Variants in DAAM2 observed in about 807,000 individuals in gnomAD.
The protein encoded by DAAM2 is disheveled-associated activator of morphogenesis 2.
DAAM2 carries 39 observed loss-of-function variants against 120.7 expected under a neutral mutation model. The observed-to-expected ratio is 0.32, with a 90% CI of 0.25 to 0.42. The LOEUF is 0.42. Among genes scored for constraint, DAAM2 ranks in the 10% least tolerant of loss-of-function variants. The pLI is 1.00. For synonymous variants in DAAM2, 488 were observed against 524.9 expected (o/e 0.93, Z 0.96); for missense variants, 1,283 against 1,401.7 (o/e 0.92, Z 1.35).
At chr6:39,866,857 A>T (rs182223210) in intron 5 of DAAM2, among the ~76,000 whole-genome samples, 98 of 152,342 alleles carry the variant, frequency 6.4e-4, no homozygotes, top group African/African-American at 1.8e-3. Context: ...TACTACTGTC[A>T]TTTATTGCTG....
At chr6:39,894,854 A>G (rs553967602) in intron 19 of DAAM2, among the ~76,000 whole-genome samples, 15 of 152,232 alleles carry the variant, frequency 9.9e-5, no homozygotes, top group African/African-American at 3.6e-4. Context: ...CCTGGGCCCA[A>G]GTGATCTGCC....
chr6:39,844,735 G>T (rs1264353736), intron 1 of DAAM2, among the ~76,000 whole-genome samples: 1 of 152,078 alleles, frequency 6.6e-6, no homozygotes, highest in Non-Finnish European at 1.5e-5. Flanking sequence ...TCAGAAATTG[G>T]CACGGGGGCT....
chr6:39,899,981 C>T (rs1440830704), intron 22 of DAAM2, 96 bp from the exon 23 acceptor site: 1 of 1,380,356 alleles, frequency 7.2e-7, no homozygotes, highest in African/African-American at 1.4e-5. Context: ...CCAAAGGGCT[C>T]AATGTCCTGT....
chr6:39,818,036 G>A (rs746400193), intron 1 of DAAM2, among the ~76,000 whole-genome samples: 2 of 151,830 alleles, frequency 1.3e-5, no homozygotes, highest in African/African-American at 4.8e-5. Context: ...AAAATTAGTC[G>A]GGCATGGTAG....
chr6:39,856,115 T>C, intron 1 of DAAM2, 132 bp from the exon 2 acceptor site: 1 of 416,582 alleles, frequency 2.4e-6, no homozygotes, highest in Non-Finnish European at 3.7e-6. Context: ...GACAGCGGGG[T>C]GGGTGGGGCT....
Position 39,902,263 on chromosome 6 carries a change from GTAT to G in DAAM2, c.*231_*233del. 4 of 438,034 alleles carry G rather than the reference GTAT, an allele frequency of 9.1e-6. 1 individual carries two copies. In the East Asian group the frequency reaches 1.4e-4, roughly 16 times the overall value. 27.1% of individuals were successfully genotyped at this position (438,034 alleles called of 1,614,324 possible). A position where few individuals can be genotyped will look rare whatever the true frequency, so the allele number is the denominator to read the frequency against. Reference sequence around the variant, plus strand: ...GATTCCTTCTGTGCCCTGGCCCCAGGTATTATTCTGAGGCTGCCTTGGATGGCC... The same window carrying G: ...GATTCCTTCTGTGCCCTGGCCCCAGGTATTCTGAGGCTGCCTTGGATGGCC... On this transcript the variant is annotated 3_prime_UTR_variant, in exon 25 of 25. Coordinates refer to ENST00000274867, the MANE Select transcript of DAAM2 (RefSeq NM_001201427.2).
chr6:39,860,408 C>T (rs1002550825), intron 2 of DAAM2, among the ~76,000 whole-genome samples: 9 of 152,308 alleles, frequency 5.9e-5, no homozygotes, highest in African/African-American at 2.2e-4. Flanking sequence ...AGGGCCTATG[C>T]TGAGTGTGGG....
chr6:39,796,605 C>G (rs1761707604), intron 1 of DAAM2, among the ~76,000 whole-genome samples: 1 of 103,778 alleles, frequency 9.6e-6, no homozygotes, highest in Non-Finnish European at 1.9e-5. Context: ...GGGTTTCTTT[C>G]TGGGGTCCCC....
chr6:39,839,733 G>A (rs1413449781), intron 1 of DAAM2, among the ~76,000 whole-genome samples: 2 of 152,224 alleles, frequency 1.3e-5, no homozygotes, highest in Non-Finnish European at 2.9e-5. Flanking sequence ...CAAATCGCAG[G>A]AGGCTCTGCA....
chr6:39,890,994 G>A (rs1464199687), intron 17 of DAAM2, among the ~76,000 whole-genome samples: 3 of 151,752 alleles, frequency 2.0e-5, no homozygotes, highest in Non-Finnish European at 2.9e-5. Context: ...CTCAGGACCT[G>A]AGGTGGGAGT....
At chr6:39,868,748 G>T (rs547764442) in intron 6 of DAAM2, 75 bp from the exon 7 acceptor site, 1 of 1,078,202 alleles carries the variant, frequency 9.3e-7, no homozygotes, top group East Asian at 2.6e-5. Context: ...GGAGGCGACA[G>T]GAGTAAAGAT....
chr6:39,855,768 C>T (rs76947908), intron 1 of DAAM2, among the ~76,000 whole-genome samples: 1,831 of 152,284 alleles, frequency 0.012, 20 homozygotes, highest in East Asian at 0.059. Flanking sequence ...TTTCCTCTGC[C>T]AGCCTTCTTC....
intron 1 of DAAM2, among the ~76,000 whole-genome samples, chr6:39,806,591 C>T (rs1385949643): frequency 1.3e-5 from 2 of 152,124 alleles, no homozygotes; most frequent in African/African-American, 4.8e-5. Flanking sequence ...ATCCCTGTCT[C>T]ATAGCCAGGA....
chr6:39,841,267 G>A, intron 1 of DAAM2, among the ~76,000 whole-genome samples: 1 of 116,508 alleles, frequency 8.6e-6, no homozygotes, highest in South Asian at 3.1e-4. Context: ...AGGGGCTCCG[G>A]GGGGAGGGGT....
chr6:39,883,184 C>CT (rs34461870), intron 14 of DAAM2, among the ~76,000 whole-genome samples: 163 of 141,608 alleles, frequency 1.2e-3, no homozygotes, highest in South Asian at 5.2e-3. Flanking sequence ...ACTGCCAGGG[C>CT]TTTTTTTTTT....
At chr6:39,803,721 A>G (rs562173977) in intron 1 of DAAM2, among the ~76,000 whole-genome samples, 4 of 152,280 alleles carry the variant, frequency 2.6e-5, no homozygotes, top group Admixed American at 2.6e-4. Flanking sequence ...AAACACAGAC[A>G]CAGACTTGGG....
At chr6:39,847,796 C>T (rs1267239669) in intron 1 of DAAM2, among the ~76,000 whole-genome samples, 1 of 152,144 alleles carries the variant, frequency 6.6e-6, no homozygotes, top group Non-Finnish European at 1.5e-5. Flanking sequence ...TCTTCCCACC[C>T]CATACAGTGC....
At chr6:39,813,553 A>T (rs1442093285) in intron 1 of DAAM2, among the ~76,000 whole-genome samples, 2 of 151,932 alleles carry the variant, frequency 1.3e-5, no homozygotes, top group African/African-American at 4.8e-5. Context: ...GAGGATATGA[A>T]GTTGCTTTTT....
In DAAM2 at chr6:39,797,282, A is replaced by G. The variant is rs532649738; in HGVS notation, c.-57+4817A>G. ...TGAGGACAGAAATCATTGAGGCAGT[A>G]CCTAACATTAAAATCTAATAATGAT... On this transcript the variant is annotated intron_variant, in intron 1 of 24. Coordinates refer to ENST00000274867, the MANE Select transcript of DAAM2 (RefSeq NM_001201427.2). Among the ~76,000 whole-genome samples, 25 of 152,372 alleles carry G rather than the reference A, an allele frequency of 1.6e-4. 1 individual carries two copies. The South Asian group carries it at 5.0e-3, about 30-fold the overall frequency.
Sources: gnomAD v4.1 joint callset for allele counts (sites outside exome capture counted in the v4.1 genomes callset) on GRCh38, gnomAD v4.1.1 for gene constraint, MANE v1.5 for transcripts, NCBI Gene and HGNC (gene_info 2026-07-23, HGNC 2026-07-21) for gene names.